Variants in SCD5 observed in about 807,000 individuals in gnomAD.
SCD5 encodes the protein stearoyl-CoA desaturase 5, also known as acyl-CoA-desaturase 4.
Under a neutral mutation model 30.4 loss-of-function variants are expected in SCD5, and 20 were observed. The ratio of observed to expected loss-of-function variants is 0.66; its 90% CI spans 0.46 to 0.96. SCD5 has a LOEUF of 0.96. Among genes scored for constraint, SCD5 ranks in the 40% least tolerant of loss-of-function variants. SCD5 has a pLI of 0.00. For missense variants in SCD5, 381 were observed against 443.3 expected (o/e 0.86, Z 1.26); for synonymous variants, 173 against 176.4 (o/e 0.98, Z 0.16).
intron 1 of SCD5, among the ~76,000 whole-genome samples, chr4:82,763,964 C>T (rs1202749661): frequency 6.6e-6 from 1 of 152,192 alleles, no homozygotes; most frequent in African/African-American, 2.4e-5. Context: ...AGAGCCACTC[C>T]AGCCTTCTTT....
Position 82,631,169 on chromosome 4 carries a change from CATT to C in SCD5, c.*155_*157del. 1 of 540,706 alleles carries C rather than the reference CATT, an allele frequency of 1.8e-6. No individual in the cohort carries two copies. The highest frequency in any genetic ancestry group is 3.2e-5 in the East Asian group (1 of 31,078). 33.5% of individuals were successfully genotyped at this position (540,706 alleles called of 1,614,324 possible). A position where few individuals can be genotyped will look rare whatever the true frequency, so the allele number is the denominator to read the frequency against. ...TTTTTCATTGATAATTGTATTTCAA[CATT>C]ATTTTGAGATAAACAAAAACATTCC... On this transcript the variant is annotated 3_prime_UTR_variant, in exon 5 of 5. Coordinates refer to ENST00000319540, the MANE Select transcript of SCD5 (RefSeq NM_001037582.3).
rs114953506 is a variant in SCD5 at position 82,732,707 on chromosome 4, T to C, written c.233-27294A>G. The stretch of plus-strand genomic sequence containing the variant: ...TCATTGAAAGGAGTCAATGAGAGGT[T>C]CTGGGGAAGCTCCTTTCACTGGTTA... On this transcript the variant is annotated intron_variant, in intron 1 of 4. Coordinates refer to ENST00000319540, the MANE Select transcript of SCD5 (RefSeq NM_001037582.3). Among the ~76,000 whole-genome samples the C allele has an allele frequency of 6.4e-3, 971 of 152,314 alleles. 8 individuals carry two copies. The highest frequency in any genetic ancestry group is 0.022 in the African/African-American group (925 of 41,564).
chr4:82,766,429 A>G (rs11730520), intron 1 of SCD5, among the ~76,000 whole-genome samples: 28,694 of 152,096 alleles, frequency 0.19, 3,703 homozygotes, highest in African/African-American at 0.37. Context: ...CTAGAAGTTT[A>G]ATTTGGGTCT....
At chr4:82,735,280 A>C (rs1006621858) in intron 1 of SCD5, among the ~76,000 whole-genome samples, 1 of 151,984 alleles carries the variant, frequency 6.6e-6, no homozygotes, top group Non-Finnish European at 1.5e-5. Context: ...TGTGTGTTGT[A>C]CATTAGGTTG....
At chr4:82,716,763 G>A (rs948621217) in intron 1 of SCD5, among the ~76,000 whole-genome samples, 10 of 151,660 alleles carry the variant, frequency 6.6e-5, no homozygotes, top group East Asian at 3.9e-4. Context: ...GCAATGAGCC[G>A]AGATCGTACC....
At chr4:82,780,120 G>A (rs1016651600) in intron 1 of SCD5, among the ~76,000 whole-genome samples, 5 of 152,204 alleles carry the variant, frequency 3.3e-5, no homozygotes, top group African/African-American at 1.2e-4. Flanking sequence ...TAAATGTTTA[G>A]GAACATCTGT....
chr4:82,719,498 A>G (rs1458195893), intron 1 of SCD5, among the ~76,000 whole-genome samples: 1 of 141,750 alleles, frequency 7.1e-6, no homozygotes, highest in Non-Finnish European at 1.5e-5. Flanking sequence ...CAGTTGTAAA[A>G]TATGATTTTC....
chr4:82,783,299 A>C (rs1405367924), intron 1 of SCD5, among the ~76,000 whole-genome samples: 1 of 152,184 alleles, frequency 6.6e-6, no homozygotes, highest in African/African-American at 2.4e-5. Context: ...TTCCATGGAC[A>C]ATGTAGCCAG....
At chr4:82,666,818 TATGGGAAGCCAAGATTTAGA>T (rs2148818185) in intron 3 of SCD5, among the ~76,000 whole-genome samples, 1 of 152,342 alleles carries the variant, frequency 6.6e-6, no homozygotes, top group East Asian at 1.9e-4. Flanking sequence ...TAATCAAGGC[TATGGGAAGCCAAGATTTAGA>T]ATTCAAGTCC....
intron 1 of SCD5, among the ~76,000 whole-genome samples, chr4:82,756,045 G>T (rs1427630628): frequency 6.6e-6 from 1 of 152,136 alleles, no homozygotes; most frequent in Non-Finnish European, 1.5e-5. Context: ...AGGCCCTGTG[G>T]CTCAGTGACA....
chr4:82,763,745 C>T (rs1362900606), intron 1 of SCD5, among the ~76,000 whole-genome samples: 1 of 152,242 alleles, frequency 6.6e-6, no homozygotes, highest in African/African-American at 2.4e-5. Context: ...TGACCTTGGA[C>T]GTCCAGCCTC....
chr4:82,683,577 G>C (rs4693487), intron 2 of SCD5, among the ~76,000 whole-genome samples: 1 of 152,192 alleles, frequency 6.6e-6, no homozygotes, highest in Non-Finnish European at 1.5e-5. Context: ...GATCTTTTAT[G>C]GAAAACTTTC....
rs568615998 is a variant in SCD5 at position 82,737,002 on chromosome 4, G to GT, written c.233-31590dup. On this transcript the variant is annotated intron_variant, in intron 1 of 4. Transcript: ENST00000319540. ...TTAATTTTTTAAAATAATTTTTAGG[G>GT]TTTTTTTTCCTATTTTTCTTTCTTT... is the stretch of plus-strand genomic sequence containing the variant. 1.5e-4 allele frequency among the ~76,000 whole-genome samples: 23 copies of GT among 151,828 alleles called. No individual in the cohort carries two copies. The South Asian group carries it at 2.7e-3, about 18-fold the overall frequency.
At chr4:82,727,859 C>A (rs1195606013) in intron 1 of SCD5, among the ~76,000 whole-genome samples, 1 of 152,136 alleles carries the variant, frequency 6.6e-6, no homozygotes, top group Non-Finnish European at 1.5e-5. Flanking sequence ...AGGTACGCAC[C>A]ATCACACCCA....
chr4:82,780,303 C>T (rs6823083), intron 1 of SCD5, among the ~76,000 whole-genome samples: 4,004 of 152,302 alleles, frequency 0.026, 184 homozygotes, highest in African/African-American at 0.091. Flanking sequence ...TCTAGTCACA[C>T]CTGCACCCCA....
intron 2 of SCD5, among the ~76,000 whole-genome samples, chr4:82,681,559 C>T (rs1431657738): frequency 6.6e-6 from 1 of 152,100 alleles, no homozygotes; most frequent in African/African-American, 2.4e-5. Flanking sequence ...TACCACTGTC[C>T]TCACAAGTGG....
chr4:82,658,957 C>A (rs901739187), intron 3 of SCD5, among the ~76,000 whole-genome samples: 5 of 152,126 alleles, frequency 3.3e-5, no homozygotes, highest in Non-Finnish European at 7.3e-5. Flanking sequence ...GTGAATCCCT[C>A]TGGTCCTTGG....
intron 1 of SCD5, among the ~76,000 whole-genome samples, chr4:82,767,631 TA>T (rs1404588240): frequency 3.3e-5 from 5 of 152,242 alleles, no homozygotes; most frequent in South Asian, 2.1e-4. Context: ...AGCAGAAGCC[TA>T]AATTGTCTCC....
At chr4:82,716,687 G>A (rs955338619) in intron 1 of SCD5, among the ~76,000 whole-genome samples, 1 of 151,686 alleles carries the variant, frequency 6.6e-6, no homozygotes, top group Admixed American at 6.6e-5. Context: ...GGTGGCGTAC[G>A]CCTGTAATCC....
Sources: gnomAD v4.1 joint callset for allele counts (sites outside exome capture counted in the v4.1 genomes callset) on GRCh38, gnomAD v4.1.1 for gene constraint, MANE v1.5 for transcripts, NCBI Gene and HGNC (gene_info 2026-07-23, HGNC 2026-07-21) for gene names.